Variants in RBFOX1 observed in about 807,000 individuals in gnomAD.
RBFOX1 encodes the protein RNA binding fox-1 homolog 1.
Under a neutral mutation model 57.7 loss-of-function variants are expected in RBFOX1, and 8 were observed. The ratio of observed to expected loss-of-function variants is 0.14; its 90% CI spans 0.08 to 0.25. The LOEUF (loss-of-function observed/expected upper bound fraction) is 0.25. Ranked by LOEUF, RBFOX1 falls within the 10% of genes least tolerant of loss-of-function variation. RBFOX1 has a pLI of 1.00. For synonymous variants in RBFOX1, 326 were observed against 222.4 expected, an observed-to-expected ratio of 1.47 and a Z score of -4.15; for missense variants, 611 against 548.5, an observed-to-expected ratio of 1.11 and a Z score of -1.14.
At chr16:5,719,584 C>A (rs1229195527) in intron 3 of RBFOX1, among the ~76,000 whole-genome samples, 4 of 152,040 alleles carry the variant, frequency 2.6e-5, no homozygotes, top group African/African-American at 9.7e-5. Flanking sequence ...CCCCACCAGG[C>A]CCTGGCAATT....
At chr16:6,432,610 A>T (rs1217353257) in intron 2 of RBFOX1, among the ~76,000 whole-genome samples, 1 of 151,804 alleles carries the variant, frequency 6.6e-6, no homozygotes, top group Non-Finnish European at 1.5e-5. Flanking sequence ...TGAACCCAGG[A>T]GGCGGAGGTT....
chr16:5,893,021 G>A (rs2058082810), intron 4 of RBFOX1, among the ~76,000 whole-genome samples: 1 of 152,196 alleles, frequency 6.6e-6, no homozygotes, highest in Non-Finnish European at 1.5e-5. Context: ...ATAGGGTAAT[G>A]GGGAACCTGA....
At chr16:6,261,849 C>T (rs2097703331) in intron 1 of RBFOX1, among the ~76,000 whole-genome samples, 1 of 146,336 alleles carries the variant, frequency 6.8e-6, no homozygotes, top group South Asian at 2.2e-4. Context: ...TACCAAAAAA[C>T]AAAACAAAAC....
chr16:7,393,342 C>T (rs1314389245), intron 4 of RBFOX1, among the ~76,000 whole-genome samples: 1 of 152,222 alleles, frequency 6.6e-6, no homozygotes, highest in Non-Finnish European at 1.5e-5. Context: ...CTCGTCACTT[C>T]TTGCTCACCT....
intron 4 of RBFOX1, among the ~76,000 whole-genome samples, chr16:7,475,954 ATTATT>A: frequency 6.6e-6 from 1 of 152,134 alleles, no homozygotes. Context: ...AGAGTAAGAC[ATTATT>A]TTATTTTATT....
intron 4 of RBFOX1, among the ~76,000 whole-genome samples, chr16:5,991,414 T>G (rs1053810689): frequency 6.6e-6 from 1 of 152,144 alleles, no homozygotes; most frequent in Non-Finnish European, 1.5e-5. Context: ...TAGAAGGAAT[T>G]AAAGAATCAT....
rs186896800 is a variant in RBFOX1, at chr16:5,402,453, A to G, written c.220-64763A>G. Among the ~76,000 whole-genome samples the G allele has an allele frequency of 8.6e-4, 131 of 152,248 alleles. 1 individual carries two copies. The highest frequency in any genetic ancestry group is 3.4e-3 in the Middle Eastern group (1 of 294). On this transcript the variant is annotated intron_variant, in intron 1 of 2. Transcript: ENST00000585867. Reference sequence around the variant, plus strand: ...CAGCTCACAACCTCCCCCATTTTCTATTCTTCCCTGACATATGTACCATCT... The same window carrying G: ...CAGCTCACAACCTCCCCCATTTTCTGTTCTTCCCTGACATATGTACCATCT...
chr16:6,841,309 A>G (rs573257084), intron 3 of RBFOX1, among the ~76,000 whole-genome samples: 3 of 152,288 alleles, frequency 2.0e-5, no homozygotes, highest in East Asian at 1.9e-4. Flanking sequence ...TTTTGTTTAC[A>G]TGTTTGTGGT....
intron 3 of RBFOX1, among the ~76,000 whole-genome samples, chr16:5,742,551 C>T (rs929854060): frequency 1.3e-5 from 2 of 152,140 alleles, no homozygotes; most frequent in Non-Finnish European, 2.9e-5. Context: ...TCCTCCGGTG[C>T]CATAAGAACG....
chr16:6,398,944 G>A (rs1448799014), intron 2 of RBFOX1, among the ~76,000 whole-genome samples: 1 of 152,230 alleles, frequency 6.6e-6, no homozygotes, highest in African/African-American at 2.4e-5. Context: ...GGTTCTCCAT[G>A]AGGATTCTGC....
At chr16:7,496,477 T>C (rs2068673866) in intron 4 of RBFOX1, among the ~76,000 whole-genome samples, 1 of 152,122 alleles carries the variant, frequency 6.6e-6, no homozygotes, top group Non-Finnish European at 1.5e-5. Flanking sequence ...GATAGTGATA[T>C]CTAACTCAGA....
intron 2 of RBFOX1, among the ~76,000 whole-genome samples, chr16:6,372,157 GA>G (rs759658826): frequency 1.4e-4 from 21 of 152,052 alleles, no homozygotes; most frequent in Non-Finnish European, 3.1e-4. Context: ...TCCTGGGTAG[GA>G]GGGTTGTTGG....
chr16:6,754,705 T>G (rs368421922), intron 3 of RBFOX1, among the ~76,000 whole-genome samples: 11 of 150,516 alleles, frequency 7.3e-5, no homozygotes, highest in African/African-American at 2.7e-4. Context: ...GGAATGTTGT[T>G]TTTTTTTTAT....
At chr16:6,179,086 T>C (rs543157038) in intron 1 of RBFOX1, among the ~76,000 whole-genome samples, 1 of 152,258 alleles carries the variant, frequency 6.6e-6, no homozygotes, top group African/African-American at 2.4e-5. Context: ...AGAACAGCTG[T>C]CTTACCACAG....
At chr16:6,863,725 C>CTTGTTTTTTTTTTTTTTTTTTT (rs2059412660) in intron 3 of RBFOX1, among the ~76,000 whole-genome samples, 1 of 67,768 alleles carries the variant, frequency 1.5e-5, no homozygotes, top group Non-Finnish European at 2.6e-5. Flanking sequence ...GATGCCTGCG[C>CTTGTTTTTTTTTTTTTTTTTTT]TTTTTTTTTT....
intron 5 of RBFOX1, among the ~76,000 whole-genome samples, chr16:7,568,474 T>C (rs1418072617): frequency 2.6e-5 from 4 of 152,042 alleles, no homozygotes; most frequent in African/African-American, 9.7e-5. Flanking sequence ...TGACCAGAGG[T>C]CACTTTCGTT....
intron 4 of RBFOX1, among the ~76,000 whole-genome samples, chr16:7,397,375 G>T (rs1385911082): frequency 9.2e-5 from 14 of 152,176 alleles, no homozygotes; most frequent in African/African-American, 3.4e-4. Context: ...TAGGACACCA[G>T]TCTATGAACG....
chr16:7,710,101 A>AATTACATC, intron 15 of RBFOX1: 14 of 1,005,134 alleles, frequency 1.4e-5, no homozygotes, highest in Non-Finnish European at 1.7e-5. Context: ...GCACAAGCTT[A>AATTACATC]ATTACATCAA....
intron 1 of RBFOX1, among the ~76,000 whole-genome samples, chr16:5,415,573 GC>G (rs2067139755): frequency 6.6e-6 from 1 of 152,144 alleles, no homozygotes; most frequent in African/African-American, 2.4e-5. Flanking sequence ...TAAAAGATTA[GC>G]TCTTAGGTTC....
Sources: allele counts gnomAD v4.1 joint callset (sites outside exome capture counted in the v4.1 genomes callset), GRCh38; gene constraint gnomAD v4.1.1; transcripts MANE v1.5; gene names NCBI Gene and HGNC (gene_info 2026-07-23, HGNC 2026-07-21).